COL24A1: variants seen among roughly 807,000 people sequenced by gnomAD.
COL24A1 encodes the protein collagen alpha-1(XXIV) chain.
Under a neutral mutation model 253.9 loss-of-function variants are expected in COL24A1, and 224 were observed. That is an observed-to-expected ratio of 0.88 (90% CI 0.79 to 0.99). The LOEUF is 0.99. COL24A1 is among the 50% of genes least tolerant of loss of function. The probability of loss-of-function intolerance (pLI) is 0.00; values close to 1 mark genes in which losing one functional copy is unlikely to be tolerated. For missense variants in COL24A1, 2,131 were observed against 2,068.5 expected (o/e 1.03, Z -0.59); for synonymous variants, 685 against 673.7 (o/e 1.02, Z -0.26).
At chr1:85,981,068 A>C (rs1483120137) in intron 20 of COL24A1, among the ~76,000 whole-genome samples, 1 of 152,250 alleles carries the variant, frequency 6.6e-6, no homozygotes, top group African/African-American at 2.4e-5. Context: ...GAAAATGACC[A>C]TACTGCCAAA....
At chr1:85,790,119 GA>G (rs1346529224) in intron 47 of COL24A1, among the ~76,000 whole-genome samples, 1 of 152,132 alleles carries the variant, frequency 6.6e-6, no homozygotes, top group Non-Finnish European at 1.5e-5. Flanking sequence ...CGTTTCAGAA[GA>G]AATGGTACCA....
chr1:85,917,893 A>G (rs1251949672), intron 24 of COL24A1, among the ~76,000 whole-genome samples: 2 of 152,064 alleles, frequency 1.3e-5, no homozygotes, highest in African/African-American at 4.8e-5. Context: ...TTTTTAGTAG[A>G]GACGGGGTTC....
chr1:85,966,316 A>C (rs1229517267), intron 22 of COL24A1, among the ~76,000 whole-genome samples: 3 of 152,138 alleles, frequency 2.0e-5, no homozygotes, highest in African/African-American at 4.8e-5. Context: ...TGTTAGTTTG[A>C]TATGCTTGTT....
In COL24A1 at chr1:86,060,340, G is replaced by A. The variant is rs1167494448; in HGVS notation, c.1753-1166C>T. Among the ~76,000 whole-genome samples, 4 of 152,144 alleles carry A rather than the reference G, an allele frequency of 2.6e-5. No homozygotes were observed. The East Asian group carries it at 7.7e-4, about 29-fold the overall frequency. On this transcript the variant is annotated intron_variant, in intron 8 of 59. Coordinates refer to ENST00000370571, the MANE Select transcript of COL24A1 (RefSeq NM_152890.7). The stretch of plus-strand genomic sequence containing the variant: ...AGCTGATGACAACAATGTTTAAGTT[G>A]GCTAGATTTCTTATTTATCACCTAA...
intron 47 of COL24A1, among the ~76,000 whole-genome samples, chr1:85,798,378 G>C (rs414143): frequency 0.33 from 50,792 of 151,756 alleles, 9,879 homozygotes; most frequent in East Asian, 0.57. Context: ...CAAGCGGCGG[G>C]GTTGGGGGTC....
At chr1:85,761,598 T>C (rs1666858042) in intron 53 of COL24A1, 32 bp from the exon 54 acceptor site, 4 of 1,611,898 alleles carry the variant, frequency 2.5e-6, no homozygotes, top group Middle Eastern at 1.7e-4. Context: ...ACAAGACCTA[T>C]ATATTATACT....
At chr1:86,031,173 A>G (rs574097343) in intron 14 of COL24A1, among the ~76,000 whole-genome samples, 29 of 152,322 alleles carry the variant, frequency 1.9e-4, no homozygotes, top group African/African-American at 6.5e-4. Context: ...ACTGGAAGAC[A>G]TTAGTGATAT....
intron 7 of COL24A1, among the ~76,000 whole-genome samples, chr1:86,083,558 T>C (rs1308328804): frequency 1.3e-5 from 2 of 152,124 alleles, no homozygotes; most frequent in Non-Finnish European, 2.9e-5. Context: ...TGCCTCTGTC[T>C]AGTCTTGGGA....
At chr1:85,859,701 G>T (rs1315721518) in intron 37 of COL24A1, among the ~76,000 whole-genome samples, 1 of 152,060 alleles carries the variant, frequency 6.6e-6, no homozygotes, top group Non-Finnish European at 1.5e-5. Context: ...CAAAATGTTG[G>T]CTTTTAAAAG....
chr1:86,141,586 T>A (rs548480490), intron 2 of COL24A1, among the ~76,000 whole-genome samples: 1 of 152,304 alleles, frequency 6.6e-6, no homozygotes, highest in Admixed American at 6.5e-5. Context: ...GCCTTAGACA[T>A]GTGTAGCCTA....
chr1:85,897,393 C>A (rs913461557), intron 28 of COL24A1, among the ~76,000 whole-genome samples: 1 of 151,186 alleles, frequency 6.6e-6, no homozygotes, highest in Non-Finnish European at 1.5e-5. Context: ...TGTACACGTA[C>A]CCCTGAACTT....
In COL24A1 at chr1:85,774,238, T is replaced by C. The variant is rs564690404; in HGVS notation, c.4374+1436A>G. 1.4e-4 allele frequency among the ~76,000 whole-genome samples: 22 copies of C among 152,258 alleles called. No individual in the cohort carries two copies. In the South Asian group the frequency reaches 4.6e-3, roughly 32 times the overall value. On this transcript the variant is annotated intron_variant, in intron 53 of 59. Transcript: ENST00000370571. ...ATGAAGGCGACTTGATCGTGGTGGG[T>C]AAGCTTTTTGATGTACTGCTGGATT...
At chr1:85,872,130 C>T (rs578092838) in intron 35 of COL24A1, among the ~76,000 whole-genome samples, 1,974 of 152,220 alleles carry the variant, frequency 0.013, 52 homozygotes, top group African/African-American at 0.045. Flanking sequence ...AGGAATCCAG[C>T]TTACAAGGGA....
At position 86,022,841 on chromosome 1, in the gene COL24A1, C is replaced by T; in HGVS notation, c.2140G>A (p.Gly714Ser). The change falls in exon 16 of 60, where the codon GGT becomes AGT. Residue 714 changes from glycine (G) to serine (S), a missense_variant. Transcript: ENST00000370571. ...SGNKGLPGIK[G>S]DKGEQGTAGE... The stretch of plus-strand genomic sequence containing the variant: ...ATTAATATTTAAATCACCTTATCAC[C>T]TTTGATTCCAGGTAGTCCTTTATTC... 6.4e-7 allele frequency: 1 copy of T among 1,573,912 alleles called. No individual in the cohort carries two copies. Among genetic ancestry groups the T allele is most frequent in the Non-Finnish European group, 8.6e-7 (1 of 1,157,996 alleles).
chr1:85,978,501 T>C (rs539574377), intron 20 of COL24A1, among the ~76,000 whole-genome samples: 83 of 151,922 alleles, frequency 5.5e-4, no homozygotes, highest in African/African-American at 1.9e-3. Flanking sequence ...AGGACTCAAA[T>C]AAACCTAAGG....
chr1:85,779,625 G>A (rs923503960), intron 52 of COL24A1, among the ~76,000 whole-genome samples: 7 of 152,110 alleles, frequency 4.6e-5, no homozygotes, highest in East Asian at 1.9e-4. Flanking sequence ...TTTGGTTCAG[G>A]GTTCCTATTA....
chr1:85,954,086 C>T (rs193061159), intron 24 of COL24A1, among the ~76,000 whole-genome samples: 38 of 152,070 alleles, frequency 2.5e-4, no homozygotes, highest in Non-Finnish European at 4.6e-4. Flanking sequence ...ACAATTTGGG[C>T]AATCTGAAAA....
At chr1:86,041,326 T>C (rs1279966442) in intron 12 of COL24A1, among the ~76,000 whole-genome samples, 1 of 152,208 alleles carries the variant, frequency 6.6e-6, no homozygotes, top group African/African-American at 2.4e-5. Context: ...AGCATTCGGA[T>C]AGCAGTTTTC....
At chr1:86,008,026 G>A (rs1696129210) in intron 19 of COL24A1, among the ~76,000 whole-genome samples, 1 of 152,098 alleles carries the variant, frequency 6.6e-6, no homozygotes, top group African/African-American at 2.4e-5. Context: ...TGCCACTCTT[G>A]TAGAGGATAA....
Sources: allele counts gnomAD v4.1 joint callset (sites outside exome capture counted in the v4.1 genomes callset), GRCh38; gene constraint gnomAD v4.1.1; transcripts MANE v1.5; gene names NCBI Gene and HGNC (gene_info 2026-07-23, HGNC 2026-07-21).